Variants in TRIM11 observed in about 807,000 individuals in gnomAD.
TRIM11 encodes the protein tripartite motif containing 11.
A neutral mutation model predicts 33.4 loss-of-function variants in TRIM11; 15 were observed. The ratio of observed to expected loss-of-function variants is 0.45; its 90% CI spans 0.30 to 0.69. The LOEUF (loss-of-function observed/expected upper bound fraction) is 0.69. Ranked by LOEUF, TRIM11 falls within the 30% of genes least tolerant of loss-of-function variation. The probability of loss-of-function intolerance (pLI) is 0.08; values close to 1 mark genes in which losing one functional copy is unlikely to be tolerated. For missense variants in TRIM11, 499 were observed against 667.6 expected, an observed-to-expected ratio of 0.75 and a Z score of 2.78; for synonymous variants, 281 against 302.6, an observed-to-expected ratio of 0.93 and a Z score of 0.74.
At chr1:228,399,871 T>C (rs1574085176) in intron 3 of TRIM11, among the ~76,000 whole-genome samples, 1 of 37,062 alleles carries the variant, frequency 2.7e-5, no homozygotes, top group African/African-American at 8.1e-5. Flanking sequence ...TTGTACCCCT[T>C]AAATCTACAA....
Position 228,395,702 on chromosome 1 carries a change from T to C in TRIM11, c.860-450A>G, listed in dbSNP as rs183934362. 152 of 155,162 alleles carry C rather than the reference T, an allele frequency of 9.8e-4. No homozygotes were observed. Among genetic ancestry groups the C allele is most frequent in the Admixed American group, 2.0e-3 (30 of 15,382 alleles). The allele number at this position is 155,162 out of a possible 1,614,324, so 9.6% of individuals were successfully genotyped here. A position where few individuals can be genotyped will look rare whatever the true frequency, so the allele number is the denominator to read the frequency against. ...ATGGCTGGCTCATTTTTTTGTTTTT[T>C]ATTTGTAGAGATGGGAGTCTTGCTA... is the stretch of plus-strand genomic sequence containing the variant. On this transcript the variant is annotated intron_variant, in intron 5 of 5. Transcript: ENST00000284551. The surrounding 1 kb of genome is among the most constrained non-coding windows in gnomAD (Gnocchi z 4.8).
chr1:228,397,029 C>T lies in TRIM11; in HGVS notation c.777G>A (p.Leu259=). The change falls in exon 5 of 6, where the codon CTG becomes CTA. Residue 259 remains leucine, a synonymous_variant. Transcript: ENST00000284551. ...CCATAGGCACAACTTCTGGGGGCTG[C>T]AGCTTCACATCCTGGACCCTAGAGG... ...DALRRVQDVK[L]QPPEVVPMEL... 6.2e-7 allele frequency: 1 copy of T among 1,613,938 alleles called. No individual in the cohort carries two copies. The highest frequency in any genetic ancestry group is 8.5e-7 in the Non-Finnish European group (1 of 1,179,882).
At chr1:228,399,407 C>A (rs1040725842) in intron 3 of TRIM11, among the ~76,000 whole-genome samples, 5 of 152,200 alleles carry the variant, frequency 3.3e-5, no homozygotes, top group Non-Finnish European at 7.4e-5. Flanking sequence ...GACGGGTGGG[C>A]CACTCAGCGG....
chr1:228,396,268 C>A (rs1026899268), intron 5 of TRIM11: 2 of 191,268 alleles, frequency 1.0e-5, no homozygotes, highest in African/African-American at 2.3e-5. Context: ...TGAGGTTGAG[C>A]CCCATCACCA....
intron 4 of TRIM11, 26 bp downstream of exon 4, chr1:228,397,117 C>T (rs186667712): frequency 1.7e-5 from 27 of 1,613,658 alleles, no homozygotes; most frequent in Admixed American, 5.0e-5. Context: ...CTCCTGCCCC[C>T]CCTCCAGGAG....
Position 228,395,252 on chromosome 1 carries a change from C to A in TRIM11, c.860G>T (p.Gly287Val). 6.9e-7 allele frequency: 1 copy of A among 1,455,436 alleles called. No homozygotes were observed. The highest frequency in any genetic ancestry group is 9.0e-7 in the Non-Finnish European group (1 of 1,108,758). The allele number at this position is 1,455,436 out of a possible 1,614,324, so 90.2% of individuals were successfully genotyped here. A position where few individuals can be genotyped will look rare whatever the true frequency, so the allele number is the denominator to read the frequency against. The change falls in exon 6 of 6, where the codon GGG becomes GTG. Residue 287 changes from glycine (G) to valine (V), a missense_variant and splice_region_variant. Gly to Val is a moderately radical substitution (Grantham distance 109). Transcript: ENST00000284551. The surrounding 1 kb of genome is among the most constrained non-coding windows in gnomAD (Gnocchi z 4.8). ...GLVETLRRFR[G>V]DVTLDPDTAN... ...GGTGTCCGGGTCCAAGGTCACGTCC[C>A]CTGCAGAGAGAGGCCCAAGGTCACC...
In TRIM11 at chr1:228,395,193, G is replaced by T. The variant is rs748935085; in HGVS notation, c.919C>A (p.Arg307=). The change falls in exon 6 of 6, where the codon CGG becomes AGG. Residue 307 remains arginine (R), a synonymous_variant. Transcript: ENST00000284551. This position sits in a 1 kb window ranked among gnomAD's most constrained non-coding sequence, Gnocchi z 4.8. The stretch of plus-strand genomic sequence containing the variant: ...CGTAGGTCCCCCCGCTGCACGCTCC[G>T]CCTGTCTTCAGACAGGATCAGCTCA... The part of the protein sequence containing the change: ...NPELILSEDR[R]SVQRGDLRQA... The T allele has an allele frequency of 6.7e-7, 1 of 1,502,690 alleles. No homozygotes were observed. The highest frequency in any genetic ancestry group is 2.3e-5 in the Admixed American group (1 of 43,152). 93.1% of individuals were successfully genotyped at this position (1,502,690 alleles called of 1,614,324 possible). A position where few individuals can be genotyped will look rare whatever the true frequency, so the allele number is the denominator to read the frequency against.
chr1:228,401,982 G>T lies in TRIM11; in HGVS notation c.504+84C>A. The stretch of plus-strand genomic sequence containing the variant: ...GGGGCGCCAAGGGCAAGTGTGCCTG[G>T]CCAGCATCGCCCCCTGGGGTCTCCT... On this transcript the variant is annotated intron_variant, in intron 2 of 5. Coordinates refer to ENST00000284551, the MANE Select transcript of TRIM11 (RefSeq NM_145214.3). The surrounding 1 kb of genome is among the most constrained non-coding windows in gnomAD (Gnocchi z 6.1). The T allele has an allele frequency of 8.9e-7, 1 of 1,128,716 alleles. No individual in the cohort carries two copies. The highest frequency in any genetic ancestry group is 1.2e-6 in the Non-Finnish European group (1 of 800,324). 69.9% of individuals were successfully genotyped at this position (1,128,716 alleles called of 1,614,324 possible). A position where few individuals can be genotyped will look rare whatever the true frequency, so the allele number is the denominator to read the frequency against.
chr1:228,406,207 C>A lies in TRIM11; in HGVS notation c.355G>T (p.Glu119Ter). 1 of 1,479,670 alleles carries A rather than the reference C, an allele frequency of 6.8e-7. No homozygotes were observed. Among genetic ancestry groups the A allele is most frequent in the South Asian group, 1.3e-5 (1 of 77,870 alleles). 91.7% of individuals were successfully genotyped at this position (1,479,670 alleles called of 1,614,324 possible). ...GGCCGCACGCGGTGCGCCCAGTGCT[C>A]CCCAGAGCGCTCGCAGGCCGCACAC... ...LLCAACERSG[E>*]HWAHRVRPLQ... Residue 119 changes from glutamate (E) to a stop codon, truncating the protein, a stop_gained, in exon 1 of 6, where the codon GAG (glutamate) becomes TAG (stop). Transcript: ENST00000284551. LOFTEE classifies it high-confidence loss of function. The surrounding 1 kb of genome is among the most constrained non-coding windows in gnomAD (Gnocchi z 8.2).
intron 1 of TRIM11, 126 bp from the exon 2 acceptor site, chr1:228,402,287 A>G: frequency 1.5e-6 from 1 of 670,890 alleles, no homozygotes; most frequent in South Asian, 2.1e-5. Context: ...CTGGTGAATC[A>G]GGGAACTCAA....
intron 3 of TRIM11, chr1:228,397,389 T>C: frequency 1.7e-6 from 1 of 596,398 alleles, no homozygotes; most frequent in South Asian, 2.2e-5. Flanking sequence ...ACCAATGGGG[T>C]GCAGCCCAGC....
At chr1:228,397,272 G>C (rs1038625506) in intron 3 of TRIM11, 107 bp from the exon 4 acceptor site, 42 of 1,384,868 alleles carry the variant, frequency 3.0e-5, no homozygotes, top group Non-Finnish European at 3.8e-5. Context: ...TCCTACATTT[G>C]AGCGTCAGGC....
Position 228,395,837 on chromosome 1 carries a change from T to C in TRIM11, c.860-585A>G, listed in dbSNP as rs1470570600. The C allele has an allele frequency of 6.6e-6, 1 of 152,278 alleles. No individual in the cohort carries two copies. 9.4% of individuals were successfully genotyped at this position (152,278 alleles called of 1,614,324 possible). On this transcript the variant is annotated intron_variant, in intron 5 of 5. Coordinates refer to ENST00000284551, the MANE Select transcript of TRIM11 (RefSeq NM_145214.3). The surrounding 1 kb of genome is among the most constrained non-coding windows in gnomAD (Gnocchi z 4.8). ...CCAATGCATCCAGTCTGTTTTTCCT[T>C]TCAATCTCCAAATGAAGGATGTGAA...
Position 228,406,039 on chromosome 1 carries a change from G to T in TRIM11, c.408+115C>A. On this transcript the variant is annotated intron_variant, in intron 1 of 5. Transcript: ENST00000284551. The surrounding 1 kb of genome is among the most constrained non-coding windows in gnomAD (Gnocchi z 8.2). Reference sequence around the variant, plus strand: ...CAGCAGGCTGCATCCTGAGCTCCCCGCCCTAGACAGAGACAGATTACTCCC... The same window carrying T: ...CAGCAGGCTGCATCCTGAGCTCCCCTCCCTAGACAGAGACAGATTACTCCC... 1.7e-6 allele frequency: 2 copies of T among 1,212,060 alleles called. No homozygotes were observed. Among genetic ancestry groups the T allele is most frequent in the Non-Finnish European group, 2.1e-6 (2 of 944,000 alleles). 75.1% of individuals were successfully genotyped at this position (1,212,060 alleles called of 1,614,324 possible).
At position 228,406,024 on chromosome 1, in the gene TRIM11, C is replaced by T. The variant is rs113075396; in HGVS notation, c.408+130G>A. On this transcript the variant is annotated intron_variant, in intron 1 of 5. Transcript: ENST00000284551. This position sits in a 1 kb window ranked among gnomAD's most constrained non-coding sequence, Gnocchi z 8.2. Reference sequence around the variant, plus strand: ...CCCCTCACAGGCCCACAGCAGGCTGCATCCTGAGCTCCCCGCCCTAGACAG... The same window carrying T: ...CCCCTCACAGGCCCACAGCAGGCTGTATCCTGAGCTCCCCGCCCTAGACAG... The T allele has an allele frequency of 4.2e-3, 4,600 of 1,089,900 alleles. 59 individuals carry two copies. Among genetic ancestry groups the T allele is most frequent in the African/African-American group, 0.039 (2,357 of 60,538 alleles). 67.5% of individuals were successfully genotyped at this position (1,089,900 alleles called of 1,614,324 possible).
At chr1:228,397,296 A>C in intron 3 of TRIM11, 131 bp from the exon 4 acceptor site, 1 of 1,087,048 alleles carries the variant, frequency 9.2e-7, no homozygotes, top group South Asian at 1.6e-5. Context: ...AAAAACACAC[A>C]CAGGGGGCCA....
Position 228,394,561 on chromosome 1 carries a change from C to T in TRIM11, c.*144G>A. The T allele has an allele frequency of 1.1e-6, 1 of 933,268 alleles. No homozygotes were observed. Among genetic ancestry groups the T allele is most frequent in the South Asian group, 1.8e-5 (1 of 54,272 alleles). The allele number at this position is 933,268 out of a possible 1,614,324, so 57.8% of individuals were successfully genotyped here. ...CCTGGAGTGCTAGAATTGGGGTTCTCCCACGCAGGCTCAGAAAGGCACCAG... is the reference window on the plus strand; with the variant it reads ...CCTGGAGTGCTAGAATTGGGGTTCTTCCACGCAGGCTCAGAAAGGCACCAG... On this transcript the variant is annotated 3_prime_UTR_variant, in exon 6 of 6. Coordinates refer to ENST00000284551, the MANE Select transcript of TRIM11 (RefSeq NM_145214.3). The surrounding 1 kb of genome is among the most constrained non-coding windows in gnomAD (Gnocchi z 6.2).
In TRIM11 at chr1:228,394,408, C is replaced by A. The variant is rs775629059; in HGVS notation, c.*297G>T. ...GTGGAGTTTTCTCAGCTTCTGGAAC[C>A]ACAGGCCAGAGCTGCCGGGGCAATG... On this transcript the variant is annotated 3_prime_UTR_variant, in exon 6 of 6. Transcript: ENST00000284551. The surrounding 1 kb of genome is among the most constrained non-coding windows in gnomAD (Gnocchi z 6.2). The A allele has an allele frequency of 5.5e-5, 23 of 418,052 alleles. No homozygotes were observed. The highest frequency in any genetic ancestry group is 6.8e-5 in the Non-Finnish European group (16 of 235,602). 25.9% of individuals were successfully genotyped at this position (418,052 alleles called of 1,614,324 possible). A position where few individuals can be genotyped will look rare whatever the true frequency, so the allele number is the denominator to read the frequency against.
Position 228,406,175 on chromosome 1 carries a change from C to T in TRIM11, c.387G>A (p.Gln129=). The T allele has an allele frequency of 7.0e-7, 1 of 1,424,510 alleles. No homozygotes were observed. Among genetic ancestry groups the T allele is most frequent in the South Asian group, 1.4e-5 (1 of 69,476 alleles). The allele number at this position is 1,424,510 out of a possible 1,614,324, so 88.2% of individuals were successfully genotyped here. A position where few individuals can be genotyped will look rare whatever the true frequency, so the allele number is the denominator to read the frequency against. Residue 129 remains glutamine (Q), a synonymous_variant, in exon 1 of 6, where the codon CAG becomes CAA. Coordinates refer to ENST00000284551, the MANE Select transcript of TRIM11 (RefSeq NM_145214.3). The surrounding 1 kb of genome is among the most constrained non-coding windows in gnomAD (Gnocchi z 8.2). ...GCACCTTGAGGTCTTCGGCCGCGTCCTGCAGCGGCCGCACGCGGTGCGCCC... is the reference window on the plus strand; with the variant it reads ...GCACCTTGAGGTCTTCGGCCGCGTCTTGCAGCGGCCGCACGCGGTGCGCCC... The part of the protein sequence containing the change: ...EHWAHRVRPL[Q]DAAEDLKAKL...
Sources: allele counts gnomAD v4.1 joint callset (sites outside exome capture counted in the v4.1 genomes callset), GRCh38; gene constraint gnomAD v4.1.1; non-coding constraint Gnocchi (gnomAD v3.1); transcripts MANE v1.5; gene names NCBI Gene and HGNC (gene_info 2026-07-23, HGNC 2026-07-21).